The following FEM1B variants were observed in gnomAD, a reference collection of about 807,000 sequenced individuals.
FEM1B encodes the protein protein fem-1 homolog B.
In FEM1B, 10 loss-of-function variants were observed where a neutral mutation model predicts 38.6. The ratio of observed to expected loss-of-function variants is 0.26; its 90% CI spans 0.16 to 0.44. FEM1B has a LOEUF of 0.44. FEM1B is among the 20% of genes least tolerant of loss of function. The pLI is 1.00. For missense variants in FEM1B, 471 were observed against 786.7 expected (o/e 0.60, Z 4.80); for synonymous variants, 288 against 288.0 (o/e 1.00, Z 0.00).
At position 68,288,371 on chromosome 15, in the gene FEM1B, G is replaced by A. The variant is rs1892811704; in HGVS notation, c.249-1236G>A. Among the ~76,000 whole-genome samples, 1 of 152,134 alleles carries A rather than the reference G, an allele frequency of 6.6e-6. No homozygotes were observed. The highest frequency in any genetic ancestry group is 2.1e-4 in the South Asian group (1 of 4,832). ...GAAGCTCACTAGTGTGGTTTTTGGT[G>A]TGTATATTTAATTGCCCTAGTGAAT... On this transcript the variant is annotated intron_variant, in intron 1 of 1. Transcript: ENST00000306917. The surrounding 1 kb of genome is among the most constrained non-coding windows in gnomAD (Gnocchi z 4.6).
chr15:68,281,105 C>G lies in FEM1B; in HGVS notation c.248+2440C>G, dbSNP rs910657064. Among the ~76,000 whole-genome samples the G allele has an allele frequency of 6.6e-6, 1 of 152,206 alleles. No individual in the cohort carries two copies. Among genetic ancestry groups the G allele is most frequent in the Non-Finnish European group, 1.5e-5 (1 of 68,030 alleles). On this transcript the variant is annotated intron_variant, in intron 1 of 1. Transcript: ENST00000306917. This position sits in a 1 kb window ranked among gnomAD's most constrained non-coding sequence, Gnocchi z 5.1. ...ACCAAAAAAGAGTGTGATGATTTCA[C>G]TTTGCATTTGTTTCAGACATTGTGA...
rs779867856 is a variant in FEM1B at position 68,289,579 on chromosome 15, TC to T, written c.249-27del. 9 of 1,585,540 alleles carry T rather than the reference TC, an allele frequency of 5.7e-6. No homozygotes were observed. The African/African-American group carries it at 1.1e-4, about 19-fold the overall frequency. On this transcript the variant is annotated intron_variant, in intron 1 of 1. Transcript: ENST00000306917. The surrounding 1 kb of genome is among the most constrained non-coding windows in gnomAD (Gnocchi z 6.9). ...ATATGTTAGGCTGTGGCCTCTGTTA[TC>T]TAACTGCTTATTCTTTTCATGTGTA... is the stretch of plus-strand genomic sequence containing the variant.
Position 68,294,213 on chromosome 15 carries a change from C to G in FEM1B, c.*2971C>G, listed in dbSNP as rs1892878839. 6.6e-6 allele frequency: 1 copy of G among 152,094 alleles called. No homozygotes were observed. Among genetic ancestry groups the G allele is most frequent in the South Asian group, 2.1e-4 (1 of 4,832 alleles). 9.4% of individuals were successfully genotyped at this position (152,094 alleles called of 1,614,324 possible). On this transcript the variant is annotated 3_prime_UTR_variant, in exon 2 of 2. Transcript: ENST00000306917. The surrounding 1 kb of genome is among the most constrained non-coding windows in gnomAD (Gnocchi z 4.4). ...ATTAGAACTGACACTGAAAACATAG[C>G]TTTTTCAGTCCACCCTGGTTGCTCT...
At chr15:68,282,380 A>C (rs1484664849) in intron 1 of FEM1B, among the ~76,000 whole-genome samples, 1 of 152,246 alleles carries the variant, frequency 6.6e-6, no homozygotes, top group Non-Finnish European at 1.5e-5. Flanking sequence ...TATATATTTC[A>C]AGGGATTACA....
Position 68,278,295 on chromosome 15 carries a change from C to A in FEM1B, c.-123C>A, listed in dbSNP as rs1892684381. 3 of 1,323,004 alleles carry A rather than the reference C, an allele frequency of 2.3e-6. No individual in the cohort carries two copies. Among genetic ancestry groups the A allele is most frequent in the Non-Finnish European group, 3.0e-6 (3 of 987,908 alleles). 82.0% of individuals were successfully genotyped at this position (1,323,004 alleles called of 1,614,324 possible). ...CACTGCTGCCTGGGCGCGGCGGCGG[C>A]GACGGCGCCCTGTTGAATGGGCTGT... On this transcript the variant is annotated 5_prime_UTR_variant, in exon 1 of 2. Transcript: ENST00000306917. This position sits in a 1 kb window ranked among gnomAD's most constrained non-coding sequence, Gnocchi z 5.7.
rs1595840348 is a variant in FEM1B, at chr15:68,284,766, G to A, written c.249-4841G>A. Among the ~76,000 whole-genome samples, 1 of 152,302 alleles carries A rather than the reference G, an allele frequency of 6.6e-6. No individual in the cohort carries two copies. Among genetic ancestry groups the A allele is most frequent in the Middle Eastern group, 3.4e-3 (1 of 294 alleles). On this transcript the variant is annotated intron_variant, in intron 1 of 1. Coordinates refer to ENST00000306917, the MANE Select transcript of FEM1B (RefSeq NM_015322.5). The surrounding 1 kb of genome is among the most constrained non-coding windows in gnomAD (Gnocchi z 4.4). The stretch of plus-strand genomic sequence containing the variant: ...CAAATCTTATCTTGAATTCCCACGT[G>A]TTGTGGGAGGGACCTGGTGGGAGGC...
rs1002739009 is a variant in FEM1B, at chr15:68,295,588, C to T, written c.*4346C>T. On this transcript the variant is annotated 3_prime_UTR_variant, in exon 2 of 2. Transcript: ENST00000306917. ...TACACTGTTGTATTCTAGTAATTCACTGTGATTTATAACAAACCGGTGATG... is the reference window on the plus strand; with the variant it reads ...TACACTGTTGTATTCTAGTAATTCATTGTGATTTATAACAAACCGGTGATG... 1.3e-5 allele frequency: 2 copies of T among 152,218 alleles called. No homozygotes were observed. The highest frequency in any genetic ancestry group is 4.8e-5 in the African/African-American group (2 of 41,456). 9.4% of individuals were successfully genotyped at this position (152,218 alleles called of 1,614,324 possible).
Position 68,295,231 on chromosome 15 carries a change from GTA to G in FEM1B, c.*3991_*3992del, listed in dbSNP as rs548679316. The G allele has an allele frequency of 2.0e-5, 3 of 152,222 alleles. No individual in the cohort carries two copies. Among genetic ancestry groups the G allele is most frequent in the Non-Finnish European group, 4.4e-5 (3 of 68,042 alleles). The allele number at this position is 152,222 out of a possible 1,614,324, so 9.4% of individuals were successfully genotyped here. ...TATCTTGATGTGTGTATAGGGGTAA[GTA>G]TTGCTAAATTATTTACAGCTTTTAT... is the stretch of plus-strand genomic sequence containing the variant. On this transcript the variant is annotated 3_prime_UTR_variant, in exon 2 of 2. Transcript: ENST00000306917.
intron 1 of FEM1B, among the ~76,000 whole-genome samples, chr15:68,282,463 T>C (rs1163420794): frequency 6.6e-6 from 1 of 152,210 alleles, no homozygotes; most frequent in Non-Finnish European, 1.5e-5. Flanking sequence ...AATGAATTTT[T>C]ATTTCCCTTT....
rs1290716751 is a variant in FEM1B, at chr15:68,284,213, G to T, written c.249-5394G>T. Among the ~76,000 whole-genome samples, 1 of 151,950 alleles carries T rather than the reference G, an allele frequency of 6.6e-6. No individual in the cohort carries two copies. The highest frequency in any genetic ancestry group is 2.4e-5 in the African/African-American group (1 of 41,382). On this transcript the variant is annotated intron_variant, in intron 1 of 1. Transcript: ENST00000306917. The surrounding 1 kb of genome is among the most constrained non-coding windows in gnomAD (Gnocchi z 4.4). ...ATATAAACTTTTTAGTTATTTATCT[G>T]CATAATAGTTAATATTATAACTATA... is the stretch of plus-strand genomic sequence containing the variant.
chr15:68,285,971 A>G (rs1892780094), intron 1 of FEM1B, among the ~76,000 whole-genome samples: 1 of 151,222 alleles, frequency 6.6e-6, no homozygotes. Flanking sequence ...TGTGATCAAC[A>G]CTAAATTCAT....
Position 68,290,411 on chromosome 15 carries a change from A to T in FEM1B, c.1053A>T (p.Gly351=). 6.2e-7 allele frequency: 1 copy of T among 1,614,078 alleles called. No individual in the cohort carries two copies. Among genetic ancestry groups the T allele is most frequent in the Non-Finnish European group, 8.5e-7 (1 of 1,179,980 alleles). Residue 351 remains glycine (G), a synonymous_variant, in exon 2 of 2, where the codon GGA becomes GGT. Coordinates refer to ENST00000306917, the MANE Select transcript of FEM1B (RefSeq NM_015322.5). The surrounding 1 kb of genome is among the most constrained non-coding windows in gnomAD (Gnocchi z 9.7). ...IDVSHPIIYR[G]AVYADNMEFE... is the part of the protein sequence containing the mutation. ...TTTCTCATCCCATCATTTACAGAGG[A>T]GCTGTTTATGCGGATAATATGGAAT...
At chr15:68,283,501 C>T (rs1567113026) in intron 1 of FEM1B, among the ~76,000 whole-genome samples, 1 of 84,874 alleles carries the variant, frequency 1.2e-5, no homozygotes, top group African/African-American at 5.8e-5. Flanking sequence ...TCATCTCTAC[C>T]TAAAAAAAAA....
In FEM1B at chr15:68,278,200, C is replaced by T. The variant is rs74521321; in HGVS notation, c.-218C>T. ...GCGGCCCTGACCGCCTTCCTCCCTG[C>T]GCGGGCTGGGTCGCGGACGTGCCCT... On this transcript the variant is annotated 5_prime_UTR_variant, in exon 1 of 2. Transcript: ENST00000306917. The surrounding 1 kb of genome is among the most constrained non-coding windows in gnomAD (Gnocchi z 5.7). 1.0e-3 allele frequency: 601 copies of T among 584,146 alleles called. 9 individuals carry two copies. In the East Asian group the frequency reaches 0.018, roughly 18 times the overall value. The allele number at this position is 584,146 out of a possible 1,614,324, so 36.2% of individuals were successfully genotyped here. A position where few individuals can be genotyped will look rare whatever the true frequency, so the allele number is the denominator to read the frequency against.
chr15:68,285,783 T>G (rs1330995197), intron 1 of FEM1B, among the ~76,000 whole-genome samples: 1 of 151,626 alleles, frequency 6.6e-6, no homozygotes, highest in Admixed American at 6.6e-5. Flanking sequence ...GTCCTCTTCT[T>G]AGCCCCCCCG....
Position 68,281,448 on chromosome 15 carries a change from T to G in FEM1B, c.248+2783T>G, listed in dbSNP as rs557815603. 6.6e-6 allele frequency among the ~76,000 whole-genome samples: 1 copy of G among 152,374 alleles called. No individual in the cohort carries two copies. Among genetic ancestry groups the G allele is most frequent in the African/African-American group, 2.4e-5 (1 of 41,590 alleles). ...AATTATGGGTTTGCTGTGTGTTTTG[T>G]GTGTGTGCGTGAGAAAGACATACAT... is the stretch of plus-strand genomic sequence containing the variant. On this transcript the variant is annotated intron_variant, in intron 1 of 1. Coordinates refer to ENST00000306917, the MANE Select transcript of FEM1B (RefSeq NM_015322.5). This position sits in a 1 kb window ranked among gnomAD's most constrained non-coding sequence, Gnocchi z 5.1.
At position 68,288,167 on chromosome 15, in the gene FEM1B, A is replaced by G. The variant is rs965805642; in HGVS notation, c.249-1440A>G. 5.9e-5 allele frequency among the ~76,000 whole-genome samples: 9 copies of G among 152,182 alleles called. No homozygotes were observed. The highest frequency in any genetic ancestry group is 2.2e-4 in the African/African-American group (9 of 41,460). On this transcript the variant is annotated intron_variant, in intron 1 of 1. Coordinates refer to ENST00000306917, the MANE Select transcript of FEM1B (RefSeq NM_015322.5). This position sits in a 1 kb window ranked among gnomAD's most constrained non-coding sequence, Gnocchi z 4.6. Reference sequence around the variant, plus strand: ...TGTGTGGTCCTTAATTTCATTCACAAGTGGAGGAGCCCTCATGACCTAATC... The same window carrying G: ...TGTGTGGTCCTTAATTTCATTCACAGGTGGAGGAGCCCTCATGACCTAATC...
At chr15:68,285,691 CT>C (rs764398817) in intron 1 of FEM1B, among the ~76,000 whole-genome samples, 159 of 143,274 alleles carry the variant, frequency 1.1e-3, no homozygotes, top group Middle Eastern at 3.7e-3. Context: ...CTTGTTCAGT[CT>C]TTTTTTTTTT....
In FEM1B at chr15:68,294,980, G is replaced by C. The variant is rs1301326581; in HGVS notation, c.*3738G>C. ...ACTCCTATGTGTTTATCACATTGCA[G>C]GGCTTTCTTATGTATTTCTGGCAGA... On this transcript the variant is annotated 3_prime_UTR_variant, in exon 2 of 2. Transcript: ENST00000306917. This position sits in a 1 kb window ranked among gnomAD's most constrained non-coding sequence, Gnocchi z 4.4. 2.0e-5 allele frequency: 3 copies of C among 152,176 alleles called. No homozygotes were observed. The highest frequency in any genetic ancestry group is 4.4e-5 in the Non-Finnish European group (3 of 68,026). 9.4% of individuals were successfully genotyped at this position (152,176 alleles called of 1,614,324 possible).
Sources: allele counts gnomAD v4.1 joint callset (sites outside exome capture counted in the v4.1 genomes callset), GRCh38; gene constraint gnomAD v4.1.1; non-coding constraint Gnocchi (gnomAD v3.1); transcripts MANE v1.5; gene names NCBI Gene and HGNC (gene_info 2026-07-23, HGNC 2026-07-21).